HMCN1: variants seen among roughly 807,000 people sequenced by gnomAD.
The protein encoded by HMCN1 is hemicentin-1.
HMCN1 carries 321 observed loss-of-function variants against 625.9 expected under a neutral mutation model. The ratio of observed to expected loss-of-function variants is 0.51; its 90% CI spans 0.47 to 0.56. The LOEUF is 0.56. Among genes scored for constraint, HMCN1 ranks in the 20% least tolerant of loss-of-function variants. The probability of loss-of-function intolerance (pLI) is 0.00; values close to 1 mark genes in which losing one functional copy is unlikely to be tolerated. For missense variants in HMCN1, 6,588 were observed against 6,887.3 expected (o/e 0.96, Z 1.54); for synonymous variants, 2,425 against 2,417.6 (o/e 1.00, Z -0.09).
At chr1:185,975,144 T>C (rs1460595508) in intron 15 of HMCN1, among the ~76,000 whole-genome samples, 2 of 152,212 alleles carry the variant, frequency 1.3e-5, no homozygotes, top group Non-Finnish European at 2.9e-5. Context: ...AACTTCCATT[T>C]TTCAGAACAG....
At chr1:185,774,983 T>C (rs1656496455) in intron 1 of HMCN1, among the ~76,000 whole-genome samples, 1 of 152,130 alleles carries the variant, frequency 6.6e-6, no homozygotes, top group Non-Finnish European at 1.5e-5. Context: ...AGGTCAGTTC[T>C]TGGATGTCTC....
At chr1:186,149,263 C>T (rs1650527275) in intron 93 of HMCN1, among the ~76,000 whole-genome samples, 1 of 152,248 alleles carries the variant, frequency 6.6e-6, no homozygotes, top group Non-Finnish European at 1.5e-5. Flanking sequence ...GTTTTGTCTA[C>T]ATTGAAAATC....
intron 101 of HMCN1, 126 bp downstream of exon 101, chr1:186,171,576 T>C: frequency 1.3e-6 from 1 of 757,440 alleles, no homozygotes; most frequent in Non-Finnish European, 2.3e-6. Context: ...GCAGCATGTA[T>C]GCAATCCATG....
intron 1 of HMCN1, among the ~76,000 whole-genome samples, chr1:185,736,550 A>G (rs1173074293): frequency 6.6e-6 from 1 of 152,220 alleles, no homozygotes; most frequent in Non-Finnish European, 1.5e-5. Context: ...TTTTTTCTCT[A>G]ACACCACGAT....
chr1:185,850,907 G>A (rs1463001828), intron 2 of HMCN1, among the ~76,000 whole-genome samples: 1 of 151,942 alleles, frequency 6.6e-6, no homozygotes, highest in African/African-American at 2.4e-5. Context: ...ACAGGCATTG[G>A]GAATACCACA....
At chr1:186,039,085 T>C in intron 38 of HMCN1, 80 bp downstream of exon 38, 1 of 964,040 alleles carries the variant, frequency 1.0e-6, no homozygotes, top group Non-Finnish European at 1.7e-6. Flanking sequence ...AATTCTTGTG[T>C]AAGTATTTAA....
In HMCN1 at chr1:186,130,589, A is replaced by G. The variant is rs1661879358; in HGVS notation, c.13122A>G (p.Lys4374=). 1 of 1,613,448 alleles carries G rather than the reference A, an allele frequency of 6.2e-7. No individual in the cohort carries two copies. The highest frequency in any genetic ancestry group is 8.5e-7 in the Non-Finnish European group (1 of 1,179,644). Residue 4374 remains lysine (K), a synonymous_variant, in exon 85 of 107, where the codon AAA becomes AAG. Coordinates refer to ENST00000271588, the MANE Select transcript of HMCN1 (RefSeq NM_031935.3). ...ATGCAATCCTGAATTGTGAGGTGAA[A>G]GGAGACCCCACCCCAACCATCCAGT... ...GGNAILNCEV[K]GDPTPTIQWN...
At chr1:185,910,518 T>G (rs1198212907) in intron 5 of HMCN1, among the ~76,000 whole-genome samples, 3 of 152,132 alleles carry the variant, frequency 2.0e-5, no homozygotes, top group African/African-American at 7.2e-5. Flanking sequence ...ATACAATGAT[T>G]GTAAAACTTT....
At chr1:185,873,649 A>G (rs1412317509) in intron 4 of HMCN1, among the ~76,000 whole-genome samples, 1 of 151,976 alleles carries the variant, frequency 6.6e-6, no homozygotes, top group Non-Finnish European at 1.5e-5. Context: ...TTTTTTTGTT[A>G]AAAAGCACCT....
chr1:186,158,117 T>C (rs1233301629), intron 97 of HMCN1, among the ~76,000 whole-genome samples: 1 of 148,384 alleles, frequency 6.7e-6, no homozygotes, highest in Non-Finnish European at 1.5e-5. Context: ...TTCCTGACTT[T>C]TTAATGATTG....
intron 1 of HMCN1, among the ~76,000 whole-genome samples, chr1:185,819,341 C>A (rs1660047010): frequency 6.6e-6 from 1 of 151,974 alleles, no homozygotes; most frequent in Non-Finnish European, 1.5e-5. Context: ...CCATTGTAGG[C>A]ATTTTCTTGA....
chr1:185,780,255 G>A (rs924147045), intron 1 of HMCN1, among the ~76,000 whole-genome samples: 49 of 152,288 alleles, frequency 3.2e-4, no homozygotes, highest in Middle Eastern at 3.4e-3. Context: ...GGGCTGAGAT[G>A]ATGGGGTTTT....
intron 86 of HMCN1, among the ~76,000 whole-genome samples, chr1:186,135,506 G>T (rs530937932): frequency 6.6e-6 from 1 of 152,272 alleles, no homozygotes; most frequent in African/African-American, 2.4e-5. Flanking sequence ...CTCTAGATAT[G>T]AATATCCCTG....
At chr1:186,114,448 G>T (rs1173527007) in intron 73 of HMCN1, among the ~76,000 whole-genome samples, 3 of 152,020 alleles carry the variant, frequency 2.0e-5, no homozygotes, top group Non-Finnish European at 4.4e-5. Context: ...TAGTAGAGAT[G>T]GGGTTTCACC....
intron 2 of HMCN1, among the ~76,000 whole-genome samples, 162 bp from the exon 3 acceptor site, chr1:185,864,308 C>T (rs1174522289): frequency 6.6e-6 from 1 of 152,170 alleles, no homozygotes; most frequent in Non-Finnish European, 1.5e-5. Context: ...TAGTTCATAT[C>T]ACTTTACATA....
chr1:186,082,135 T>C (rs542077106), intron 56 of HMCN1, among the ~76,000 whole-genome samples: 2 of 152,200 alleles, frequency 1.3e-5, no homozygotes, highest in East Asian at 3.9e-4. Flanking sequence ...CCAAAATACT[T>C]CAATGGTTCT....
intron 7 of HMCN1, 70 bp downstream of exon 7, chr1:185,922,569 A>C: frequency 7.3e-7 from 1 of 1,372,826 alleles, no homozygotes; most frequent in Non-Finnish European, 1.0e-6. Context: ...CAGACTGTCT[A>C]TAATTTTATA....
At chr1:186,169,197 T>G (rs1239523289) in intron 100 of HMCN1, among the ~76,000 whole-genome samples, 1 of 152,056 alleles carries the variant, frequency 6.6e-6, no homozygotes, top group Admixed American at 6.6e-5. Flanking sequence ...CTCAAGGAAA[T>G]AAGAGAGGAC....
At chr1:185,993,620 C>T (rs183621368) in intron 23 of HMCN1, among the ~76,000 whole-genome samples, 138 of 151,874 alleles carry the variant, frequency 9.1e-4, no homozygotes, top group Non-Finnish European at 8.4e-4. Flanking sequence ...GTGTTTAAGC[C>T]GGTAGCATTT....
Sources: allele counts gnomAD v4.1 joint callset (sites outside exome capture counted in the v4.1 genomes callset), GRCh38; gene constraint gnomAD v4.1.1; transcripts MANE v1.5; gene names NCBI Gene and HGNC (gene_info 2026-07-23, HGNC 2026-07-21).